The following TARDBP variants were observed in gnomAD, a reference collection of about 807,000 sequenced individuals.
TARDBP encodes TAR DNA-binding protein 43.
A neutral mutation model predicts 38.3 loss-of-function variants in TARDBP; 4 were observed. The observed-to-expected ratio is 0.10, with a 90% CI of 0.05 to 0.24. TARDBP has a LOEUF of 0.24. TARDBP is among the 10% of genes least tolerant of loss of function. The pLI, the probability that TARDBP is intolerant of heterozygous loss-of-function variation, is 1.00. For synonymous variants in TARDBP, 184 were observed against 183.8 expected, an observed-to-expected ratio of 1.00 and a Z score of -0.01; for missense variants, 202 against 521.9, an observed-to-expected ratio of 0.39 and a Z score of 5.97.
intron 1 of TARDBP, 25 bp from the exon 2 acceptor site, chr1:11,013,686 GTTGTT>G: frequency 6.6e-7 from 1 of 1,514,330 alleles, no homozygotes; most frequent in Non-Finnish European, 9.1e-7. Context: ...TGACATGAAT[GTTGTT>G]CATTCATATC....
At chr1:11,030,302 G>T, downstream of TARDBP, 2 of 1,321,972 alleles carry the variant, frequency 1.5e-6, no homozygotes, top group Non-Finnish European at 2.2e-6. Context: ...TAAGATGGTT[G>T]TCATTTGCTT....
Position 11,023,167 on chromosome 1 carries a change from A to G in TARDBP, c.*513A>G, listed in dbSNP as rs1643674142. 1 of 1,550,052 alleles carries G rather than the reference A, an allele frequency of 6.5e-7. No individual in the cohort carries two copies. The highest frequency in any genetic ancestry group is 8.7e-7 in the Non-Finnish European group (1 of 1,146,636). On this transcript the variant is annotated 3_prime_UTR_variant, in exon 6 of 6. Coordinates refer to ENST00000240185, the MANE Select transcript of TARDBP (RefSeq NM_007375.4). ...CTCCCCTCATACACAAAAGTACAATATGAAGCCTTCATTTAATCTCTGCAG... is the reference window on the plus strand; with the variant it reads ...CTCCCCTCATACACAAAAGTACAATGTGAAGCCTTCATTTAATCTCTGCAG...
rs1432013018 is a variant in TARDBP at position 11,018,941 on chromosome 1, T to TA, written c.543+71dup. The TA allele has an allele frequency of 1.9e-5, 30 of 1,606,384 alleles. No individual in the cohort carries two copies. In the East Asian group the frequency reaches 4.7e-4, roughly 25 times the overall value. ...CTTAGAGGATTGTAAGATAAAATGTTAAACACACTTAGAAAAGATAGCGGC... is the reference window on the plus strand; with the variant it reads ...CTTAGAGGATTGTAAGATAAAATGTTAAAACACACTTAGAAAAGATAGCGGC... On this transcript the variant is annotated intron_variant, in intron 4 of 5. Coordinates refer to ENST00000240185, the MANE Select transcript of TARDBP (RefSeq NM_007375.4).
chr1:11,020,319 T>C, intron 4 of TARDBP, 110 bp from the exon 5 acceptor site: 1 of 1,309,892 alleles, frequency 7.6e-7, no homozygotes, highest in Non-Finnish European at 1.1e-6. Context: ...TACTTTTTAA[T>C]GGTTCACTGC....
downstream of TARDBP, chr1:11,026,893 C>T (rs141174563): frequency 1.2e-4 from 178 of 1,476,224 alleles, no homozygotes; most frequent in African/African-American, 2.1e-3. Flanking sequence ...AGTTAAAAAT[C>T]ACTAATTATG....
intron 1 of TARDBP, among the ~76,000 whole-genome samples, 153 bp from the exon 2 acceptor site, chr1:11,013,563 C>G (rs1173708983): frequency 6.6e-6 from 1 of 152,168 alleles, no homozygotes; most frequent in East Asian, 1.9e-4. Flanking sequence ...CTTACCTTCA[C>G]CTCGTCATTT....
At position 11,022,103 on chromosome 1, in the gene TARDBP, T is replaced by C; in HGVS notation, c.715-21T>C. The C allele has an allele frequency of 1.2e-6, 2 of 1,613,882 alleles. No individual in the cohort carries two copies. Among genetic ancestry groups the C allele is most frequent in the Non-Finnish European group, 1.7e-6 (2 of 1,179,780 alleles). ...AATCAGTGGTTTAATCTTCTTTGTTTACATCCCTTATTTCTTATAGATTGC... is the reference window on the plus strand; with the variant it reads ...AATCAGTGGTTTAATCTTCTTTGTTCACATCCCTTATTTCTTATAGATTGC... On this transcript the variant is annotated intron_variant, in intron 5 of 5. Transcript: ENST00000240185. This position sits in a 1 kb window ranked among gnomAD's most constrained non-coding sequence, Gnocchi z 4.5.
downstream of TARDBP, chr1:11,030,127 G>A: frequency 7.2e-7 from 1 of 1,381,156 alleles, no homozygotes; most frequent in Non-Finnish European, 1.0e-6. Context: ...CTCCTACCCA[G>A]TCCTCCTTTC....
In TARDBP at chr1:11,025,404, G is replaced by A. The variant is rs779882516; in HGVS notation, c.*2750G>A. 1.3e-5 allele frequency: 2 copies of A among 152,012 alleles called. No homozygotes were observed. Among genetic ancestry groups the A allele is most frequent in the Admixed American group, 6.6e-5 (1 of 15,248 alleles). The allele number at this position is 152,012 out of a possible 1,614,324, so 9.4% of individuals were successfully genotyped here. ...TACTTAAACTATTTGGCAAAGATTT[G>A]TTTTTAAAAATCTATTTGGTCAATC... On this transcript the variant is annotated 3_prime_UTR_variant, in exon 6 of 6. Transcript: ENST00000240185.
downstream of TARDBP, among the ~76,000 whole-genome samples, chr1:11,029,260 A>G (rs1245179409): frequency 1.3e-5 from 2 of 151,554 alleles, no homozygotes. Flanking sequence ...TTGGCCTCCC[A>G]AAGTGCTGGG....
chr1:11,020,572 T>C lies in TARDBP; in HGVS notation c.687T>C (p.Phe229=). The change falls in exon 5 of 6, where the codon TTT becomes TTC. Residue 229 remains phenylalanine, a synonymous_variant. Coordinates refer to ENST00000240185, the MANE Select transcript of TARDBP (RefSeq NM_007375.4). The part of the protein sequence containing the change: ...DVFIPKPFRA[F]AFVTFADDQI... ...TCATCCCCAAGCCATTCAGGGCCTT[T>C]GCCTTTGTTACATTTGCAGATGATC... 1 of 1,613,904 alleles carries C rather than the reference T, an allele frequency of 6.2e-7. No individual in the cohort carries two copies. Among genetic ancestry groups the C allele is most frequent in the Non-Finnish European group, 8.5e-7 (1 of 1,179,878 alleles).
rs1475736511 is a variant in TARDBP, at chr1:11,022,216, G to A, written c.807G>A (p.Gln269=). The A allele has an allele frequency of 2.5e-6, 4 of 1,613,964 alleles. No homozygotes were observed. Among genetic ancestry groups the A allele is most frequent in the Non-Finnish European group, 3.4e-6 (4 of 1,179,870 alleles). ...NAEPKHNSNR[Q]LERSGRFGGN... The stretch of plus-strand genomic sequence containing the variant: ...AACCTAAGCACAATAGCAATAGACA[G>A]TTAGAAAGAAGTGGAAGATTTGGTG... The change falls in exon 6 of 6, where the codon CAG becomes CAA. Residue 269 remains glutamine, a synonymous_variant. Coordinates refer to ENST00000240185, the MANE Select transcript of TARDBP (RefSeq NM_007375.4). This position sits in a 1 kb window ranked among gnomAD's most constrained non-coding sequence, Gnocchi z 4.5.
At chr1:11,017,043 C>T (rs373633330) in intron 3 of TARDBP, 36 bp downstream of exon 3, 2 of 1,605,872 alleles carry the variant, frequency 1.2e-6, no homozygotes, top group African/African-American at 2.7e-5. Flanking sequence ...TTTTCTTTAC[C>T]AGTGAATGAG....
chr1:11,018,084 G>A (rs1462412850), intron 3 of TARDBP, among the ~76,000 whole-genome samples: 14 of 151,486 alleles, frequency 9.2e-5, no homozygotes, highest in Non-Finnish European at 1.6e-4. Context: ...GGGTTTCACC[G>A]TGTTAGGCAG....
downstream of TARDBP, chr1:11,026,956 C>G (rs758838073): frequency 6.5e-7 from 1 of 1,546,534 alleles, no homozygotes; most frequent in Non-Finnish European, 8.7e-7. Flanking sequence ...CCATACTGAC[C>G]TGCTTCCCCA....
At chr1:11,030,432 G>C (rs916996245), downstream of TARDBP, 2 of 594,292 alleles carry the variant, frequency 3.4e-6, no homozygotes, top group African/African-American at 3.7e-5. Flanking sequence ...TGCTTGCAAA[G>C]TGGAAACCTT....
At chr1:11,019,166 TTAAAACA>T in intron 4 of TARDBP, 1 of 418,212 alleles carries the variant, frequency 2.4e-6, no homozygotes, top group South Asian at 2.2e-5. Context: ...TAGTTATATG[TTAAAACA>T]TAAAGAGAAT....
At chr1:11,015,288 C>T (rs536878574) in intron 2 of TARDBP, among the ~76,000 whole-genome samples, 37 of 151,676 alleles carry the variant, frequency 2.4e-4, no homozygotes, top group African/African-American at 7.5e-4. Flanking sequence ...AAGTTCAAGA[C>T]CACCCTAGCC....
At chr1:11,027,141 T>A, downstream of TARDBP, 1 of 1,613,394 alleles carries the variant, frequency 6.2e-7, no homozygotes, top group Non-Finnish European at 8.5e-7. Flanking sequence ...TGGCTTTTCA[T>A]ATGCAGCAGT....
Sources: allele counts gnomAD v4.1 joint callset (sites outside exome capture counted in the v4.1 genomes callset), GRCh38; gene constraint gnomAD v4.1.1; non-coding constraint Gnocchi (gnomAD v3.1); transcripts MANE v1.5; gene names NCBI Gene and HGNC (gene_info 2026-07-23, HGNC 2026-07-21).